Variants in TMTC2 observed in about 807,000 individuals in gnomAD.
TMTC2 encodes the protein transmembrane O-mannosyltransferase targeting cadherins 2.
Under a neutral mutation model 82.4 loss-of-function variants are expected in TMTC2, and 43 were observed. The ratio of observed to expected loss-of-function variants is 0.52; its 90% confidence interval spans 0.41 to 0.67. The LOEUF is 0.67. Among genes scored for constraint, TMTC2 ranks in the 30% least tolerant of loss-of-function variants. The pLI is 0.00. For missense variants in TMTC2, 919 were observed against 1,012.4 expected, an observed-to-expected ratio of 0.91 and a Z score of 1.25; for synonymous variants, 408 against 381.9, an observed-to-expected ratio of 1.07 and a Z score of -0.80.
intron 4 of TMTC2, among the ~76,000 whole-genome samples, chr12:82,947,447 A>G (rs1430876612): frequency 2.0e-5 from 3 of 147,248 alleles, no homozygotes; most frequent in South Asian, 2.1e-4. Context: ...GGTTCACGCC[A>G]TTCTCCTGCC....
rs776313660 is a variant in TMTC2, at chr12:82,738,758, A to T, written c.83+51089A>T. 3.9e-5 allele frequency among the ~76,000 whole-genome samples: 6 copies of T among 152,218 alleles called. No homozygotes were observed. The East Asian group carries it at 1.2e-3, about 29-fold the overall frequency. ...TAGTGTCAAACCAGAACCAAGTATA[A>T]TTATTAGTTATTTTAATGTCAACCA... On this transcript the variant is annotated intron_variant, in intron 1 of 11. Coordinates refer to ENST00000321196, the MANE Select transcript of TMTC2 (RefSeq NM_152588.3).
chr12:82,715,025 A>G (rs1873825833), intron 1 of TMTC2, among the ~76,000 whole-genome samples: 1 of 152,120 alleles, frequency 6.6e-6, no homozygotes, highest in Admixed American at 6.5e-5. Context: ...TAATCCCAGC[A>G]CTTTAGGAGG....
chr12:82,750,431 T>C (rs760311081), intron 1 of TMTC2, among the ~76,000 whole-genome samples: 3 of 152,110 alleles, frequency 2.0e-5, no homozygotes, highest in Non-Finnish European at 4.4e-5. Flanking sequence ...TAGAGGATCT[T>C]GTTGGCAATT....
At chr12:82,816,410 G>T (rs77542472) in intron 1 of TMTC2, among the ~76,000 whole-genome samples, 1 of 151,976 alleles carries the variant, frequency 6.6e-6, no homozygotes, top group Non-Finnish European at 1.5e-5. Flanking sequence ...AATGGGCTCC[G>T]TTAACACTTG....
At chr12:82,984,929 GC>G (rs1669451656) in intron 7 of TMTC2, among the ~76,000 whole-genome samples, 2 of 151,986 alleles carry the variant, frequency 1.3e-5, no homozygotes, top group South Asian at 4.1e-4. Context: ...TGGCCAAAAT[GC>G]CTCACACTCA....
chr12:82,742,376 G>A (rs1009357438), intron 1 of TMTC2, among the ~76,000 whole-genome samples: 1 of 150,514 alleles, frequency 6.6e-6, no homozygotes, highest in Non-Finnish European at 1.5e-5. Context: ...AAAAAATGCC[G>A]TGTTGTCTAC....
At chr12:83,045,999 T>C (rs1002539921) in intron 9 of TMTC2, among the ~76,000 whole-genome samples, 11 of 152,116 alleles carry the variant, frequency 7.2e-5, no homozygotes, top group Admixed American at 6.6e-4. Flanking sequence ...CACACTTGCC[T>C]TTCAAGTCAC....
chr12:83,006,808 G>A (rs1047735478), intron 8 of TMTC2, among the ~76,000 whole-genome samples: 3 of 152,224 alleles, frequency 2.0e-5, no homozygotes, highest in East Asian at 1.9e-4. Context: ...GCAGGGATAT[G>A]GATAAAGCTG....
At chr12:83,051,103 C>T in intron 10 of TMTC2, 85 bp downstream of exon 10, 1 of 882,836 alleles carries the variant, frequency 1.1e-6, no homozygotes, top group Non-Finnish European at 1.7e-6. Flanking sequence ...ACACCTTATT[C>T]CACATTCTCA....
At chr12:82,958,354 C>CAAAAAAAAAAAAAAAAAAA (rs750819932) in intron 4 of TMTC2, among the ~76,000 whole-genome samples, 2 of 19,954 alleles carry the variant, frequency 1.0e-4, no homozygotes, top group African/African-American at 4.7e-4. Context: ...GAGTCTGTCT[C>CAAAAAAAAAAAAAAAAAAA]AAAAAAAAAA....
At chr12:82,893,039 G>T (rs1188313843) in intron 2 of TMTC2, among the ~76,000 whole-genome samples, 1 of 152,062 alleles carries the variant, frequency 6.6e-6, no homozygotes, top group Admixed American at 6.5e-5. Context: ...GTTATTCTTA[G>T]ATGATAATGA....
At chr12:83,094,265 C>G (rs140124701) in intron 11 of TMTC2, among the ~76,000 whole-genome samples, 147 of 152,306 alleles carry the variant, frequency 9.7e-4, no homozygotes, top group Non-Finnish European at 1.7e-3. Context: ...GGAGAATTGC[C>G]TTGGCTGAGC....
intron 4 of TMTC2, among the ~76,000 whole-genome samples, chr12:82,943,548 G>T (rs1876835368): frequency 6.6e-6 from 1 of 152,134 alleles, no homozygotes; most frequent in South Asian, 2.1e-4. Flanking sequence ...TTGCACTCCT[G>T]TTCTCTGATT....
intron 10 of TMTC2, among the ~76,000 whole-genome samples, chr12:83,055,770 TA>T (rs561277158): frequency 1.2e-4 from 18 of 151,748 alleles, no homozygotes; most frequent in Middle Eastern, 3.4e-3. Flanking sequence ...GGGTAAGGGA[TA>T]AAAGTAGCAT....
chr12:83,027,733 C>T (rs1420256082), intron 8 of TMTC2, among the ~76,000 whole-genome samples: 1 of 152,134 alleles, frequency 6.6e-6, no homozygotes, highest in African/African-American at 2.4e-5. Flanking sequence ...TTCTCACCTT[C>T]AACGTGTTTA....
At chr12:82,912,610 T>C (rs1874741422) in intron 3 of TMTC2, among the ~76,000 whole-genome samples, 1 of 152,170 alleles carries the variant, frequency 6.6e-6, no homozygotes, top group Admixed American at 6.5e-5. Flanking sequence ...TTTCCAAAGA[T>C]GATGGCATCA....
At chr12:82,741,159 A>G (rs1422031665) in intron 1 of TMTC2, among the ~76,000 whole-genome samples, 2 of 152,306 alleles carry the variant, frequency 1.3e-5, no homozygotes, top group African/African-American at 4.8e-5. Flanking sequence ...CTCTTATTTT[A>G]GTATGTAGTT....
At chr12:83,011,680 T>C (rs546322044) in intron 8 of TMTC2, among the ~76,000 whole-genome samples, 2 of 152,284 alleles carry the variant, frequency 1.3e-5, no homozygotes, top group South Asian at 4.1e-4. Flanking sequence ...CTATAATATC[T>C]TTTTCTTGCC....
At chr12:83,130,190 T>C (rs1885220597) in intron 11 of TMTC2, among the ~76,000 whole-genome samples, 1 of 152,226 alleles carries the variant, frequency 6.6e-6, no homozygotes, top group Non-Finnish European at 1.5e-5. Flanking sequence ...TAATTTAGGC[T>C]GTGAGCATAC....
Sources: allele counts gnomAD v4.1 joint callset (sites outside exome capture counted in the v4.1 genomes callset), GRCh38; gene constraint gnomAD v4.1.1; transcripts MANE v1.5; gene names NCBI Gene and HGNC (gene_info 2026-07-23, HGNC 2026-07-21).